TDRD3: variants seen among roughly 807,000 people sequenced by gnomAD.
The protein encoded by TDRD3 is tudor domain containing 3.
A neutral mutation model predicts 86.7 loss-of-function variants in TDRD3; 45 were observed. The observed-to-expected ratio is 0.52, with a 90% CI of 0.41 to 0.67. The LOEUF (loss-of-function observed/expected upper bound fraction) is 0.67, where lower values mean the gene tolerates loss of function less well. TDRD3 is among the 30% of genes least tolerant of loss of function. The pLI is 0.00. For missense variants in TDRD3, 814 were observed against 889.0 expected (o/e 0.92, Z 1.07); for synonymous variants, 298 against 301.7 (o/e 0.99, Z 0.13).
rs1158067181 is a variant in TDRD3, at chr13:60,407,862, T to TC, written c.41+10460dup. On this transcript the variant is annotated intron_variant, in intron 1 of 13. Transcript: ENST00000377881. ...CCCAAATCTCAACTTGAATTGTTTC[T>TC]CCCAGAATTCCCATGTGTTGTGGGA... Among the ~76,000 whole-genome samples, 3 of 152,356 alleles carry TC rather than the reference T, an allele frequency of 2.0e-5. No individual in the cohort carries two copies. In the East Asian group the frequency reaches 5.8e-4, roughly 29 times the overall value.
rs74778255 is a variant in TDRD3 at position 60,495,147 on chromosome 13, T to C, written c.858+572T>C. On this transcript the variant is annotated intron_variant, in intron 8 of 13. Transcript: ENST00000377881. ...ATTTTTGTCTTTAGGGTACAGAATA[T>C]CCCAAAACAGCTTAAACCATGGAGG... Among the ~76,000 whole-genome samples the C allele has an allele frequency of 4.2e-4, 64 of 152,322 alleles. No individual in the cohort carries two copies. In the East Asian group the frequency reaches 0.012, roughly 28 times the overall value.
At chr13:60,405,466 G>A (rs1954212802) in intron 1 of TDRD3, among the ~76,000 whole-genome samples, 1 of 152,110 alleles carries the variant, frequency 6.6e-6, no homozygotes, top group Admixed American at 6.5e-5. Context: ...TCAGAGAATA[G>A]CAGAATTACT....
Position 60,397,306 on chromosome 13 carries a change from G to C in TDRD3, c.-59G>C. ...TTTTTAAGGGGGGGGGTCTCAAGTA[G>C]GAGGCCTCCCCATCACCCCCACCCC... On this transcript the variant is annotated 5_prime_UTR_variant, in exon 1 of 14. Transcript: ENST00000377881. 1.1e-6 allele frequency: 1 copy of C among 893,810 alleles called. No individual in the cohort carries two copies. The highest frequency in any genetic ancestry group is 2.0e-5 in the South Asian group (1 of 50,202). The allele number at this position is 893,810 out of a possible 1,614,324, so 55.4% of individuals were successfully genotyped here.
intron 1 of TDRD3, among the ~76,000 whole-genome samples, chr13:60,400,686 C>T (rs1454282025): frequency 6.6e-6 from 1 of 150,450 alleles, no homozygotes; most frequent in Non-Finnish European, 1.5e-5. Context: ...TGCAGTGAGT[C>T]GAGATTGCAC....
chr13:60,449,471 G>A (rs1035999683), intron 3 of TDRD3, among the ~76,000 whole-genome samples: 1 of 152,082 alleles, frequency 6.6e-6, no homozygotes, highest in African/African-American at 2.4e-5. Context: ...GAGAAGTGAA[G>A]AATAGAAATG....
chr13:60,438,557 G>A (rs1396596586), intron 1 of TDRD3, among the ~76,000 whole-genome samples: 1 of 151,952 alleles, frequency 6.6e-6, no homozygotes, highest in Non-Finnish European at 1.5e-5. Flanking sequence ...CTTGCTCATT[G>A]GCTTATCTAC....
At chr13:60,558,160 C>T (rs988891916) in intron 12 of TDRD3, among the ~76,000 whole-genome samples, 7 of 151,988 alleles carry the variant, frequency 4.6e-5, no homozygotes, top group Admixed American at 6.6e-5. Flanking sequence ...TATAGGTGTC[C>T]GTGGCATACT....
At chr13:60,401,986 A>C (rs1954114591) in intron 1 of TDRD3, among the ~76,000 whole-genome samples, 1 of 152,166 alleles carries the variant, frequency 6.6e-6, no homozygotes, top group Admixed American at 6.5e-5. Flanking sequence ...TGATTATTGC[A>C]CTCTTGTATT....
At chr13:60,434,946 T>A (rs1955054274) in intron 1 of TDRD3, among the ~76,000 whole-genome samples, 1 of 152,246 alleles carries the variant, frequency 6.6e-6, no homozygotes. Context: ...TGTTGTGTTG[T>A]TCTTCAGTTA....
intron 8 of TDRD3, among the ~76,000 whole-genome samples, chr13:60,503,669 A>G (rs1423156226): frequency 1.3e-5 from 2 of 152,198 alleles, no homozygotes; most frequent in African/African-American, 4.8e-5. Context: ...TTGAAGTTTG[A>G]TTTTGGGAAG....
chr13:60,529,031 T>C lies in TDRD3; in HGVS notation c.1806T>C (p.Pro602=), dbSNP rs749208176. 20 of 1,614,088 alleles carry C rather than the reference T, an allele frequency of 1.2e-5. No homozygotes were observed. Among genetic ancestry groups the C allele is most frequent in the Non-Finnish European group, 1.6e-5 (19 of 1,179,970 alleles). ...EMPLKGRRIG[P]IKPAGPVTAV... The stretch of plus-strand genomic sequence containing the variant: ...CACTGAAAGGAAGACGAATAGGACC[T>C]ATTAAGCCAGCAGGACCTGTCACAG... Residue 602 remains proline (P), a synonymous_variant, in exon 11 of 14, where the codon CCT becomes CCC. Coordinates refer to ENST00000377881, the MANE Select transcript of TDRD3 (RefSeq NM_001146070.2).
In TDRD3 at chr13:60,505,499, G is replaced by A. The variant is rs1264177280; in HGVS notation, c.859-4264G>A. 4.6e-5 allele frequency among the ~76,000 whole-genome samples: 7 copies of A among 152,200 alleles called. No individual in the cohort carries two copies. The East Asian group carries it at 5.8e-4, about 13-fold the overall frequency. On this transcript the variant is annotated intron_variant, in intron 8 of 13. Transcript: ENST00000377881. ...GGACAGAGCAACTGGGGGAAGGGGCGGCTGTGGGCACAGCTTCAGCAGACA... is the reference window on the plus strand; with the variant it reads ...GGACAGAGCAACTGGGGGAAGGGGCAGCTGTGGGCACAGCTTCAGCAGACA...
chr13:60,557,206 C>CAA (rs138618410), intron 12 of TDRD3, among the ~76,000 whole-genome samples: 2,497 of 117,222 alleles, frequency 0.021, 77 homozygotes, highest in African/African-American at 0.057. Flanking sequence ...AACTCTGTCT[C>CAA]AAAAAAAAAA....
chr13:60,415,506 G>T (rs551518688), intron 1 of TDRD3, among the ~76,000 whole-genome samples: 1 of 152,086 alleles, frequency 6.6e-6, no homozygotes, highest in South Asian at 2.1e-4. Context: ...GCAATAATAG[G>T]CAAATGCCAT....
At chr13:60,470,363 A>C (rs1368211417) in intron 5 of TDRD3, among the ~76,000 whole-genome samples, 1 of 152,174 alleles carries the variant, frequency 6.6e-6, no homozygotes, top group Non-Finnish European at 1.5e-5. Context: ...TTTGAGACCC[A>C]GCTTTCAATT....
chr13:60,512,160 G>A (rs1957073702), intron 10 of TDRD3, among the ~76,000 whole-genome samples: 1 of 152,154 alleles, frequency 6.6e-6, no homozygotes, highest in Non-Finnish European at 1.5e-5. Flanking sequence ...GGAGGAACAA[G>A]TCACTTATTA....
chr13:60,473,977 A>G (rs1012831720), intron 5 of TDRD3, among the ~76,000 whole-genome samples: 2 of 152,134 alleles, frequency 1.3e-5, no homozygotes, highest in Non-Finnish European at 2.9e-5. Context: ...CTCTTGTGAA[A>G]GGCCTGACTG....
chr13:60,545,083 C>G (rs1299385817), intron 12 of TDRD3, among the ~76,000 whole-genome samples: 3 of 152,036 alleles, frequency 2.0e-5, no homozygotes, highest in Admixed American at 2.0e-4. Context: ...TGTACCAAAG[C>G]TACTTTAGAA....
chr13:60,561,785 C>T (rs1345343208), intron 12 of TDRD3, among the ~76,000 whole-genome samples: 1 of 152,060 alleles, frequency 6.6e-6, no homozygotes, highest in African/African-American at 2.4e-5. Flanking sequence ...GTGATAGCCT[C>T]TTAGTTTGAC....
Sources: allele counts gnomAD v4.1 joint callset (sites outside exome capture counted in the v4.1 genomes callset), GRCh38; gene constraint gnomAD v4.1.1; transcripts MANE v1.5; gene names NCBI Gene and HGNC (gene_info 2026-07-23, HGNC 2026-07-21).